The following BICRAL variants were observed in gnomAD, a reference collection of about 807,000 sequenced individuals.
BICRAL encodes BICRA like chromatin remodeling complex associated protein, also known as BRD4-interacting chromatin-remodeling complex-associated protein-like.
A neutral mutation model predicts 91.8 loss-of-function variants in BICRAL; 8 were observed. The ratio of observed to expected loss-of-function variants is 0.09; its 90% CI spans 0.05 to 0.16. The LOEUF (loss-of-function observed/expected upper bound fraction) is 0.16, where lower values mean the gene tolerates loss of function less well. Among genes scored for constraint, BICRAL ranks in the 10% least tolerant of loss-of-function variants. BICRAL has a pLI of 1.00. For synonymous variants in BICRAL, 445 were observed against 491.1 expected (o/e 0.91, Z 1.24); for missense variants, 1,038 against 1,310.9 (o/e 0.79, Z 3.21).
chr6:42,837,825 G>A (rs1025229292), intron 6 of BICRAL, among the ~76,000 whole-genome samples: 2 of 151,740 alleles, frequency 1.3e-5, no homozygotes, highest in Non-Finnish European at 2.9e-5. Context: ...TCCTCGTCTC[G>A]TTGCCCACCC....
intron 6 of BICRAL, among the ~76,000 whole-genome samples, chr6:42,850,621 C>T (rs893881395): frequency 6.6e-6 from 1 of 151,926 alleles, no homozygotes; most frequent in Non-Finnish European, 1.5e-5. Flanking sequence ...CACGGTGGCT[C>T]ACGTTTGTAA....
chr6:42,767,464 CTCA>C (rs1186464197), intron 1 of BICRAL, among the ~76,000 whole-genome samples: 33 of 152,192 alleles, frequency 2.2e-4, no homozygotes, highest in African/African-American at 2.4e-5. Flanking sequence ...AGATGGGCAT[CTCA>C]TCTGAACATC....
At chr6:42,752,342 A>G (rs1762393308) in intron 1 of BICRAL, among the ~76,000 whole-genome samples, 1 of 152,224 alleles carries the variant, frequency 6.6e-6, no homozygotes, top group Non-Finnish European at 1.5e-5. Context: ...TGTGCCCAGC[A>G]CTGAGCCAGG....
chr6:42,757,495 AC>A (rs1346867228), intron 1 of BICRAL, among the ~76,000 whole-genome samples: 1 of 152,066 alleles, frequency 6.6e-6, no homozygotes, highest in Non-Finnish European at 1.5e-5. Context: ...TTCGTGATCC[AC>A]CTGCCTCGGC....
chr6:42,751,421 G>A (rs575243801), intron 1 of BICRAL, among the ~76,000 whole-genome samples: 63 of 152,172 alleles, frequency 4.1e-4, no homozygotes, highest in East Asian at 1.3e-3. Flanking sequence ...AATTTTAAAC[G>A]TCTGTTGTAT....
intron 1 of BICRAL, among the ~76,000 whole-genome samples, chr6:42,804,517 T>C (rs1337482892): frequency 6.6e-6 from 1 of 152,220 alleles, no homozygotes; most frequent in Admixed American, 6.5e-5. Context: ...GTCATTTTAC[T>C]CAAGACCTTT....
At chr6:42,846,852 A>G (rs1765025643) in intron 6 of BICRAL, among the ~76,000 whole-genome samples, 1 of 152,082 alleles carries the variant, frequency 6.6e-6, no homozygotes, top group Admixed American at 6.6e-5. Context: ...CATGTTGTGT[A>G]TTTTCTTTTC....
At chr6:42,780,580 CCTG>C (rs1308447617), upstream of BICRAL, among the ~76,000 whole-genome samples, 3 of 152,114 alleles carry the variant, frequency 2.0e-5, no homozygotes, top group East Asian at 5.8e-4. Context: ...TTTTTTAAAA[CCTG>C]AATTACATTC....
rs1427435369 is a variant in BICRAL, at chr6:42,813,610, C to CCCCAGGCTCAGGTGGTCCT, written c.-6+3214_-6+3232dup. Among the ~76,000 whole-genome samples the CCCCAGGCTCAGGTGGTCCT allele has an allele frequency of 7.2e-5, 11 of 152,216 alleles. No homozygotes were observed. In the South Asian group the frequency reaches 2.3e-3, roughly 32 times the overall value. ...TCACGGCTCACTGCAGCCTCAACCTCCCCAGGCTCAGGTGGTCCTCCCACC... is the reference window on the plus strand; with the variant it reads ...TCACGGCTCACTGCAGCCTCAACCTCCCCAGGCTCAGGTGGTCCTCCCAGGCTCAGGTGGTCCTCCCACC... On this transcript the variant is annotated intron_variant, in intron 2 of 12. Transcript: ENST00000314073.
At chr6:42,757,337 C>T (rs917632412) in intron 1 of BICRAL, among the ~76,000 whole-genome samples, 57 of 151,712 alleles carry the variant, frequency 3.8e-4, no homozygotes, top group Admixed American at 3.7e-3. Flanking sequence ...CTGCAAGCTC[C>T]GCCTCCCAGG....
intron 1 of BICRAL, among the ~76,000 whole-genome samples, chr6:42,782,704 G>T (rs1035078959): frequency 6.6e-6 from 1 of 151,642 alleles, no homozygotes; most frequent in African/African-American, 2.4e-5. Context: ...TTTAAAATTA[G>T]TTGTGTGCGC....
rs980437365 is a variant in BICRAL at position 42,842,803 on chromosome 6, A to G, written c.1840-9289A>G. On this transcript the variant is annotated intron_variant, in intron 6 of 12. Coordinates refer to ENST00000314073, the MANE Select transcript of BICRAL (RefSeq NM_001393499.1). ...AGTACCTACCACATGCCAGCCCCAG[A>G]CATATAACAATGTATCCCAGACAGA... Among the ~76,000 whole-genome samples the G allele has an allele frequency of 2.6e-5, 4 of 152,162 alleles. No homozygotes were observed. The East Asian group carries it at 7.7e-4, about 29-fold the overall frequency.
chr6:42,758,835 A>G (rs981002471), intron 1 of BICRAL, among the ~76,000 whole-genome samples: 2 of 152,060 alleles, frequency 1.3e-5, no homozygotes, highest in Non-Finnish European at 2.9e-5. Flanking sequence ...TGTTCTAGGC[A>G]CTTTTCTAGG....
intron 1 of BICRAL, among the ~76,000 whole-genome samples, chr6:42,794,411 C>CTGTGTGTGTG (rs67384767): frequency 4.1e-5 from 6 of 146,514 alleles, no homozygotes; most frequent in South Asian, 2.2e-4. Context: ...TTCACTTACT[C>CTGTGTGTGTG]TGTGTGTGTG....
At chr6:42,774,894 T>C (rs1353045401) in intron 1 of BICRAL, among the ~76,000 whole-genome samples, 3 of 152,100 alleles carry the variant, frequency 2.0e-5, no homozygotes, top group Non-Finnish European at 2.9e-5. Context: ...CTTATTTCCT[T>C]GTCTTCCACT....
At chr6:42,819,370 C>G (rs1188430796) in intron 2 of BICRAL, among the ~76,000 whole-genome samples, 1 of 152,216 alleles carries the variant, frequency 6.6e-6, no homozygotes, top group Non-Finnish European at 1.5e-5. Flanking sequence ...ACTGCAACCT[C>G]TGCCTCCCAG....
At chr6:42,774,211 G>A (rs1378757545) in intron 1 of BICRAL, among the ~76,000 whole-genome samples, 3 of 152,156 alleles carry the variant, frequency 2.0e-5, no homozygotes, top group Non-Finnish European at 4.4e-5. Context: ...CCATTCTTTA[G>A]TTCAGCATAT....
At chr6:42,784,262 A>G (rs1763036197) in intron 1 of BICRAL, among the ~76,000 whole-genome samples, 1 of 152,252 alleles carries the variant, frequency 6.6e-6, no homozygotes, top group Non-Finnish European at 1.5e-5. Context: ...CATTATTAAA[A>G]GCATCCATGT....
At position 42,829,656 on chromosome 6, in the gene BICRAL, T is replaced by C. The variant is rs1014246081; in HGVS notation, c.1323T>C (p.His441=). Residue 441 remains histidine, a synonymous_variant, in exon 6 of 13, where the codon CAT becomes CAC. Coordinates refer to ENST00000314073, the MANE Select transcript of BICRAL (RefSeq NM_001393499.1). Reference sequence around the variant, plus strand: ...TTTCTGGCCAAGTGGCCTCAGAGCATGTCATGTTGAACAGAAACTCTTCCA... The same window carrying C: ...TTTCTGGCCAAGTGGCCTCAGAGCACGTCATGTTGAACAGAAACTCTTCCA... ...QLISGQVASE[H]VMLNRNSSNM... 3.7e-6 allele frequency: 6 copies of C among 1,614,094 alleles called. No homozygotes were observed. The African/African-American group carries it at 5.3e-5, about 14-fold the overall frequency.
Sources: gnomAD v4.1 joint callset for allele counts (sites outside exome capture counted in the v4.1 genomes callset) on GRCh38, gnomAD v4.1.1 for gene constraint, MANE v1.5 for transcripts, NCBI Gene and HGNC (gene_info 2026-07-23, HGNC 2026-07-21) for gene names.